Variants in PTPRD observed in about 807,000 individuals in gnomAD.
PTPRD encodes the protein protein tyrosine phosphatase receptor type D.
In PTPRD, 34 loss-of-function variants were observed where a neutral mutation model predicts 214.5. The ratio of observed to expected loss-of-function variants is 0.16; its 90% CI spans 0.12 to 0.21. The LOEUF (loss-of-function observed/expected upper bound fraction) is 0.21, where lower values mean the gene tolerates loss of function less well. PTPRD is among the 10% of genes least tolerant of loss of function. The pLI, the probability that PTPRD is intolerant of heterozygous loss-of-function variation, is 1.00. For synonymous variants in PTPRD, 1,128 were observed against 845.7 expected (o/e 1.33, Z -5.79); for missense variants, 2,545 against 2,398.7 (o/e 1.06, Z -1.27).
At chr9:9,778,394 G>A (rs1375004632) in intron 5 of PTPRD, among the ~76,000 whole-genome samples, 3 of 152,156 alleles carry the variant, frequency 2.0e-5, no homozygotes, top group Non-Finnish European at 2.9e-5. Context: ...GCAGAGACAG[G>A]CCTTCAGGTG....
intron 34 of PTPRD, among the ~76,000 whole-genome samples, chr9:8,443,111 C>T (rs902828347): frequency 6.6e-6 from 1 of 152,170 alleles, no homozygotes. Flanking sequence ...TGCCACTGCA[C>T]TCGAGCCTGG....
intron 11 of PTPRD, among the ~76,000 whole-genome samples, chr9:8,744,979 A>T (rs1565737986): frequency 6.6e-6 from 1 of 152,200 alleles, no homozygotes; most frequent in Non-Finnish European, 1.5e-5. Flanking sequence ...GGTAAAGAGG[A>T]CAAATATTAA....
intron 4 of PTPRD, among the ~76,000 whole-genome samples, chr9:9,988,441 T>C (rs928055025): frequency 2.0e-5 from 3 of 152,178 alleles, no homozygotes; most frequent in African/African-American, 7.2e-5. Flanking sequence ...CAGCTCAAAC[T>C]GATTTCCTTG....
chr9:10,268,761 C>G (rs560086578), intron 3 of PTPRD, among the ~76,000 whole-genome samples: 1 of 152,180 alleles, frequency 6.6e-6, no homozygotes, highest in Non-Finnish European at 1.5e-5. Context: ...ACTCTCTCAA[C>G]GGCTACCGTC....
chr9:10,434,779 C>T (rs781625000), intron 2 of PTPRD, among the ~76,000 whole-genome samples: 3 of 151,864 alleles, frequency 2.0e-5, no homozygotes, highest in Admixed American at 6.6e-5. Context: ...TTTTCTGTTT[C>T]GCACAATGAG....
chr9:9,771,611 C>A (rs1004289241), intron 5 of PTPRD, among the ~76,000 whole-genome samples: 1 of 152,134 alleles, frequency 6.6e-6, no homozygotes, highest in South Asian at 2.1e-4. Flanking sequence ...AAATAACTTA[C>A]TTTTTTCAAC....
chr9:9,684,922 T>G (rs1421574730), intron 7 of PTPRD, among the ~76,000 whole-genome samples: 1 of 151,616 alleles, frequency 6.6e-6, no homozygotes, highest in East Asian at 1.9e-4. Context: ...TATTAATTTT[T>G]TCCTATCTAA....
intron 11 of PTPRD, among the ~76,000 whole-genome samples, chr9:8,983,847 A>T (rs2099326577): frequency 6.6e-6 from 1 of 151,932 alleles, no homozygotes; most frequent in South Asian, 2.1e-4. Context: ...CTTTACTATA[A>T]CTATCTAATC....
chr9:10,009,824 G>A (rs1010816858), intron 4 of PTPRD, among the ~76,000 whole-genome samples: 3 of 151,886 alleles, frequency 2.0e-5, no homozygotes, highest in Admixed American at 6.6e-5. Context: ...CTCGTGTAAC[G>A]CTATACTAGA....
At chr9:10,364,735 C>A (rs553317332) in intron 2 of PTPRD, among the ~76,000 whole-genome samples, 1 of 152,248 alleles carries the variant, frequency 6.6e-6, no homozygotes, top group Admixed American at 6.5e-5. Context: ...TCTTTCTTCT[C>A]CATCATATCC....
chr9:10,024,077 TC>T (rs1218049910), intron 4 of PTPRD, among the ~76,000 whole-genome samples: 9 of 152,170 alleles, frequency 5.9e-5, no homozygotes, highest in Admixed American at 5.9e-4. Flanking sequence ...TAGATATATT[TC>T]CAAATGTCAT....
At chr9:9,477,932 A>G (rs983798724) in intron 8 of PTPRD, among the ~76,000 whole-genome samples, 5 of 152,168 alleles carry the variant, frequency 3.3e-5, no homozygotes, top group Non-Finnish European at 7.4e-5. Context: ...CTCAGGCTGG[A>G]GATTGATTTG....
chr9:9,096,687 A>G (rs1227862908), intron 10 of PTPRD, among the ~76,000 whole-genome samples: 1 of 152,238 alleles, frequency 6.6e-6, no homozygotes, highest in Admixed American at 6.5e-5. Context: ...ATACAGATTA[A>G]TCACAATAGT....
At chr9:8,475,679 T>A (rs2096749212) in intron 30 of PTPRD, among the ~76,000 whole-genome samples, 1 of 152,188 alleles carries the variant, frequency 6.6e-6, no homozygotes, top group African/African-American at 2.4e-5. Flanking sequence ...ACAATCCATT[T>A]CAGTGCACAA....
intron 14 of PTPRD, among the ~76,000 whole-genome samples, chr9:8,550,419 T>C (rs574709979): frequency 2.6e-5 from 4 of 152,336 alleles, no homozygotes; most frequent in African/African-American, 9.6e-5. Flanking sequence ...CTAGATTGTA[T>C]GAGATTAACA....
intron 11 of PTPRD, among the ~76,000 whole-genome samples, chr9:8,905,723 A>T (rs1259468746): frequency 1.4e-5 from 2 of 142,402 alleles, no homozygotes; most frequent in Non-Finnish European, 3.0e-5. Context: ...TGGGAGACAG[A>T]GTGAGACTCC....
intron 11 of PTPRD, among the ~76,000 whole-genome samples, chr9:8,990,229 G>A (rs1486815272): frequency 6.6e-6 from 1 of 152,128 alleles, no homozygotes; most frequent in African/African-American, 2.4e-5. Context: ...ACTGAAAGAA[G>A]AGAGATTGCA....
chr9:9,553,961 TA>T (rs1193242405), intron 8 of PTPRD, among the ~76,000 whole-genome samples: 2 of 152,042 alleles, frequency 1.3e-5, no homozygotes, highest in Non-Finnish European at 2.9e-5. Context: ...CATTGCTTGC[TA>T]CAGATTCTGG....
intron 7 of PTPRD, among the ~76,000 whole-genome samples, chr9:9,604,156 A>G (rs1280070816): frequency 6.6e-6 from 1 of 152,052 alleles, no homozygotes; most frequent in Non-Finnish European, 1.5e-5. Flanking sequence ...CAGATATTAG[A>G]ACATAAGCCA....
Sources: gnomAD v4.1 joint callset for allele counts (sites outside exome capture counted in the v4.1 genomes callset) on GRCh38, gnomAD v4.1.1 for gene constraint, MANE v1.5 for transcripts, NCBI Gene and HGNC (gene_info 2026-07-23, HGNC 2026-07-21) for gene names.